EXT1: variants seen among roughly 807,000 people sequenced by gnomAD.
The protein encoded by EXT1 is exostosin glycosyltransferase 1.
A neutral mutation model predicts 82.5 loss-of-function variants in EXT1; 20 were observed. The ratio of observed to expected loss-of-function variants is 0.24; its 90% confidence interval spans 0.17 to 0.35. EXT1 has a LOEUF of 0.35. Among genes scored for constraint, EXT1 ranks in the 10% least tolerant of loss-of-function variants. EXT1 has a pLI of 1.00. For synonymous variants in EXT1, 348 were observed against 350.8 expected (o/e 0.99, Z 0.09); for missense variants, 757 against 936.5 (o/e 0.81, Z 2.50).
intron 1 of EXT1, among the ~76,000 whole-genome samples, chr8:117,879,068 G>T (rs750107560): frequency 1.8e-4 from 28 of 152,158 alleles, no homozygotes; most frequent in Non-Finnish European, 3.2e-4. Context: ...TCATTTCATT[G>T]GCCAAAGCAG....
intron 1 of EXT1, among the ~76,000 whole-genome samples, chr8:118,109,573 G>A (rs1451888623): frequency 6.6e-6 from 1 of 151,994 alleles, no homozygotes. Context: ...ACATTTCCAC[G>A]GCTAACATGA....
Position 117,858,810 on chromosome 8 carries a change from CAGGAAGGAAGGA to C in EXT1, c.963-21621_963-21610del, listed in dbSNP as rs71307408. On this transcript the variant is annotated intron_variant, in intron 1 of 10. Transcript: ENST00000378204. ...GCAGGCAAGGCAAGGCAAGGCAAGGCAGGAAGGAAGGAAGGAAGGAAGGAAGGAAGGAAGGAA... is the reference window on the plus strand; with the variant it reads ...GCAGGCAAGGCAAGGCAAGGCAAGGCAGGAAGGAAGGAAGGAAGGAAGGAA... Among the ~76,000 whole-genome samples, 3 of 34,372 alleles carry C rather than the reference CAGGAAGGAAGGA, an allele frequency of 8.7e-5. No individual in the cohort carries two copies. The South Asian group carries it at 4.4e-3, about 51-fold the overall frequency. The allele number at this position is 34,372 out of a possible 152,430, so 22.5% of individuals were successfully genotyped here.
intron 1 of EXT1, among the ~76,000 whole-genome samples, chr8:117,952,492 G>A (rs1474391875): frequency 6.6e-6 from 1 of 152,192 alleles, no homozygotes; most frequent in Non-Finnish European, 1.5e-5. Context: ...GAGACACCAG[G>A]CGCAGTGTCT....
At chr8:117,958,206 AC>A (rs1165761420) in intron 1 of EXT1, among the ~76,000 whole-genome samples, 1 of 152,128 alleles carries the variant, frequency 6.6e-6, no homozygotes, top group Non-Finnish European at 1.5e-5. Flanking sequence ...ATGCCTCAGG[AC>A]TTTTCTCAAG....
intron 1 of EXT1, among the ~76,000 whole-genome samples, chr8:118,034,163 T>A (rs1816381277): frequency 6.6e-6 from 1 of 152,162 alleles, no homozygotes; most frequent in Non-Finnish European, 1.5e-5. Flanking sequence ...AAAGAGATGA[T>A]TCTTCATTTT....
At position 117,804,896 on chromosome 8, in the gene EXT1, G is replaced by A. The variant is rs2129694265; in HGVS notation, c.1884-3C>T. ...GGGAGTATAGGTAGTGATAATATCT[G>A]TAAAAATCAAAGATGGGTTTCACAG... On this transcript the variant is annotated splice_region_variant and splice_polypyrimidine_tract_variant and intron_variant, in intron 9 of 10. Transcript: ENST00000378204. The A allele has an allele frequency of 3.1e-6, 5 of 1,613,886 alleles. No individual in the cohort carries two copies. The highest frequency in any genetic ancestry group is 4.2e-6 in the Non-Finnish European group (5 of 1,179,826).
intron 1 of EXT1, among the ~76,000 whole-genome samples, chr8:117,961,527 T>C (rs952978172): frequency 2.0e-5 from 3 of 152,256 alleles, no homozygotes; most frequent in Admixed American, 6.5e-5. Flanking sequence ...AGGGGATAAG[T>C]TGACATTTTA....
intron 1 of EXT1, among the ~76,000 whole-genome samples, chr8:118,102,589 T>C (rs1817738994): frequency 6.6e-6 from 1 of 152,148 alleles, no homozygotes; most frequent in African/African-American, 2.4e-5. Flanking sequence ...TTAAGAAAAA[T>C]GTGTTGAATT....
chr8:117,950,280 A>G (rs192106542), intron 1 of EXT1, among the ~76,000 whole-genome samples: 8 of 152,322 alleles, frequency 5.3e-5, no homozygotes, highest in Admixed American at 2.6e-4. Context: ...ACTAACAAGG[A>G]AAGTTCTAGT....
At chr8:117,923,466 C>T (rs1478208549) in intron 1 of EXT1, among the ~76,000 whole-genome samples, 1 of 151,772 alleles carries the variant, frequency 6.6e-6, no homozygotes, top group East Asian at 1.9e-4. Flanking sequence ...ACCTGTAATC[C>T]CAGCAATTTG....
At chr8:117,982,342 G>A (rs1025968775) in intron 1 of EXT1, among the ~76,000 whole-genome samples, 11 of 152,026 alleles carry the variant, frequency 7.2e-5, no homozygotes, top group East Asian at 3.8e-4. Context: ...TCCCCCAATC[G>A]TCAAAGCCAT....
At chr8:117,920,659 C>T (rs539578091) in intron 1 of EXT1, among the ~76,000 whole-genome samples, 14 of 152,278 alleles carry the variant, frequency 9.2e-5, no homozygotes, top group Admixed American at 4.6e-4. Context: ...ACGACCAATA[C>T]GCCTTACAGT....
At chr8:117,923,106 C>T (rs1813887728) in intron 1 of EXT1, among the ~76,000 whole-genome samples, 1 of 151,846 alleles carries the variant, frequency 6.6e-6, no homozygotes, top group Non-Finnish European at 1.5e-5. Context: ...GGGTGGATCA[C>T]TTGAGGTCAG....
At position 118,111,495 on chromosome 8, in the gene EXT1, A is replaced by C. The variant is rs1817903199; in HGVS notation, c.-449T>G. On this transcript the variant is annotated 5_prime_UTR_variant, in exon 1 of 11. Transcript: ENST00000378204. ...GGAAGGCAACTTCAACTCATCCACC[A>C]CTCTCCGTGCAGAGCACTCCGGTTC... 1.1e-5 allele frequency: 6 copies of C among 526,820 alleles called. No individual in the cohort carries two copies. Among genetic ancestry groups the C allele is most frequent in the Non-Finnish European group, 2.0e-5 (6 of 301,522 alleles). 32.6% of individuals were successfully genotyped at this position (526,820 alleles called of 1,614,324 possible).
rs772109456 is a variant in EXT1, at chr8:118,002,381, CAA to C, written c.962+107702_962+107703del. On this transcript the variant is annotated intron_variant, in intron 1 of 10. Transcript: ENST00000378204. ...GGGCGACAGACGGCGACTCCGTCTC[CAA>C]AAAAAAAAAAAAAAAAAAAGGCTTG... Among the ~76,000 whole-genome samples the C allele has an allele frequency of 1.0e-3, 63 of 61,018 alleles. No homozygotes were observed. In the East Asian group the frequency reaches 0.021, roughly 21 times the overall value. 40.0% of individuals were successfully genotyped at this position (61,018 alleles called of 152,430 possible). A position where few individuals can be genotyped will look rare whatever the true frequency, so the allele number is the denominator to read the frequency against.
chr8:117,965,375 G>A (rs1056375508), intron 1 of EXT1, among the ~76,000 whole-genome samples: 11 of 152,010 alleles, frequency 7.2e-5, no homozygotes, highest in Admixed American at 5.2e-4. Flanking sequence ...AATCAGTGCC[G>A]CTAGTTGGAA....
chr8:118,063,501 G>A (rs1329774287), intron 1 of EXT1, among the ~76,000 whole-genome samples: 1 of 152,224 alleles, frequency 6.6e-6, no homozygotes, highest in Non-Finnish European at 1.5e-5. Flanking sequence ...GGTGAACCAT[G>A]ACAACTGATG....
chr8:117,961,871 C>CCA (rs1814706941), intron 1 of EXT1, among the ~76,000 whole-genome samples: 1 of 152,150 alleles, frequency 6.6e-6, no homozygotes, highest in African/African-American at 2.4e-5. Flanking sequence ...TTGCATAGAA[C>CCA]CACAGATCTC....
At chr8:118,012,626 T>C (rs1264627107) in intron 1 of EXT1, among the ~76,000 whole-genome samples, 1 of 152,238 alleles carries the variant, frequency 6.6e-6, no homozygotes, top group Non-Finnish European at 1.5e-5. Flanking sequence ...TCACTGCTGT[T>C]TGACCTGGGG....
Sources: gnomAD v4.1 joint callset for allele counts (sites outside exome capture counted in the v4.1 genomes callset) on GRCh38, gnomAD v4.1.1 for gene constraint, MANE v1.5 for transcripts, NCBI Gene and HGNC (gene_info 2026-07-23, HGNC 2026-07-21) for gene names.